PLCL2: variants seen among roughly 807,000 people sequenced by gnomAD.
PLCL2 encodes inactive phospholipase C-like protein 2.
PLCL2 carries 4 observed loss-of-function variants against 79.6 expected under a neutral mutation model. The observed-to-expected ratio is 0.05, with a 90% CI of 0.02 to 0.11. The LOEUF (loss-of-function observed/expected upper bound fraction) is 0.11. PLCL2 is among the 10% of genes least tolerant of loss of function. The pLI, the probability that PLCL2 is intolerant of heterozygous loss-of-function variation, is 1.00. For synonymous variants in PLCL2, 484 were observed against 457.7 expected (o/e 1.06, Z -0.73); for missense variants, 895 against 1,291.0 (o/e 0.69, Z 4.70).
At chr3:16,937,699 C>T (rs535406723) in intron 1 of PLCL2, among the ~76,000 whole-genome samples, 8 of 152,326 alleles carry the variant, frequency 5.3e-5, no homozygotes, top group African/African-American at 1.9e-4. Context: ...ATTTTAATGA[C>T]TCCAAGTTAT....
intron 3 of PLCL2, among the ~76,000 whole-genome samples, chr3:17,018,348 A>T (rs2064408798): frequency 6.6e-6 from 1 of 152,148 alleles, no homozygotes; most frequent in Non-Finnish European, 1.5e-5. Context: ...AGGGGGCCTC[A>T]TGCAAATGGA....
chr3:17,068,373 T>G (rs993819664), intron 5 of PLCL2, among the ~76,000 whole-genome samples: 2 of 152,220 alleles, frequency 1.3e-5, no homozygotes, highest in African/African-American at 4.8e-5. Flanking sequence ...ATATGTAAAA[T>G]AGAAAATATT....
chr3:17,087,811 A>G (rs906435584), intron 5 of PLCL2, among the ~76,000 whole-genome samples: 1 of 152,234 alleles, frequency 6.6e-6, no homozygotes, highest in Non-Finnish European at 1.5e-5. Context: ...TGTCCTAAAA[A>G]TTAAAGTTTA....
At chr3:16,889,652 C>G (rs1696302545) in intron 1 of PLCL2, among the ~76,000 whole-genome samples, 1 of 152,202 alleles carries the variant, frequency 6.6e-6, no homozygotes, top group Admixed American at 6.5e-5. Context: ...TGTCTTGACA[C>G]TGAGCTCTCC....
Position 17,090,138 on chromosome 3 carries a change from T to C in PLCL2, c.*226T>C. ...TTATATTGCTGGCCAAAATATGCTA[T>C]ATTTGTATACAAAGACATTCTAACT... is the stretch of plus-strand genomic sequence containing the variant. On this transcript the variant is annotated 3_prime_UTR_variant, in exon 6 of 6. Coordinates refer to ENST00000615277, the MANE Select transcript of PLCL2 (RefSeq NM_001144382.2). 8.1e-7 allele frequency: 1 copy of C among 1,240,434 alleles called. No homozygotes were observed. The highest frequency in any genetic ancestry group is 3.1e-4 in the Middle Eastern group (1 of 3,176). The allele number at this position is 1,240,434 out of a possible 1,614,324, so 76.8% of individuals were successfully genotyped here. A position where few individuals can be genotyped will look rare whatever the true frequency, so the allele number is the denominator to read the frequency against.
At chr3:17,054,616 A>G (rs1241249925) in intron 4 of PLCL2, among the ~76,000 whole-genome samples, 1 of 152,056 alleles carries the variant, frequency 6.6e-6, no homozygotes, top group Non-Finnish European at 1.5e-5. Flanking sequence ...TTTTTAAACA[A>G]CCAGATCTCT....
chr3:16,994,881 T>C (rs1396773882), intron 1 of PLCL2, among the ~76,000 whole-genome samples: 1 of 152,144 alleles, frequency 6.6e-6, no homozygotes, highest in Non-Finnish European at 1.5e-5. Context: ...CTTCCCCATT[T>C]GTGGGCTATA....
intron 4 of PLCL2, among the ~76,000 whole-genome samples, chr3:17,063,212 C>T (rs1384600017): frequency 2.4e-5 from 3 of 122,742 alleles, no homozygotes. Flanking sequence ...ACTTGTGTCT[C>T]TTTCTCTTCC....
At chr3:16,985,576 A>G (rs750670856) in intron 1 of PLCL2, among the ~76,000 whole-genome samples, 2 of 152,136 alleles carry the variant, frequency 1.3e-5, no homozygotes, top group African/African-American at 2.4e-5. Context: ...ATCTCTGTCT[A>G]TGCTTAATTT....
chr3:17,057,787 C>T (rs1390976704), intron 4 of PLCL2, among the ~76,000 whole-genome samples: 1 of 152,230 alleles, frequency 6.6e-6, no homozygotes, highest in African/African-American at 2.4e-5. Flanking sequence ...TTGTTCATAA[C>T]GTTTCCCAAA....
intron 5 of PLCL2, among the ~76,000 whole-genome samples, chr3:17,075,332 A>G (rs1267967732): frequency 1.3e-5 from 2 of 152,194 alleles, no homozygotes; most frequent in Non-Finnish European, 2.9e-5. Context: ...CTGTCTTATA[A>G]GGAAGGGCAC....
intron 1 of PLCL2, among the ~76,000 whole-genome samples, chr3:16,963,848 T>C (rs955431858): frequency 1.3e-5 from 2 of 151,904 alleles, no homozygotes; most frequent in African/African-American, 4.8e-5. Context: ...GGAACCTAAA[T>C]GCTGGAACTC....
chr3:16,920,366 A>T (rs1697096766), intron 1 of PLCL2, among the ~76,000 whole-genome samples: 1 of 152,088 alleles, frequency 6.6e-6, no homozygotes, highest in African/African-American at 2.4e-5. Context: ...TTTATAGATG[A>T]TATAATAAGG....
chr3:16,959,028 C>T (rs999353339), intron 1 of PLCL2, among the ~76,000 whole-genome samples: 1 of 152,230 alleles, frequency 6.6e-6, no homozygotes, highest in African/African-American at 2.4e-5. Flanking sequence ...AGCTTCCCAA[C>T]CAGTAGCAGA....
intron 1 of PLCL2, among the ~76,000 whole-genome samples, chr3:16,983,292 G>A (rs1053664368): frequency 2.0e-5 from 3 of 152,176 alleles, no homozygotes; most frequent in Non-Finnish European, 2.9e-5. Context: ...ATAATTTATG[G>A]CCATGGTTCA....
chr3:17,068,090 C>T (rs1205518305), intron 5 of PLCL2, 25 bp downstream of exon 5: 2 of 1,333,056 alleles, frequency 1.5e-6, no homozygotes, highest in South Asian at 2.4e-5. Context: ...GTTTCTGATG[C>T]TGGTGATTTT....
intron 1 of PLCL2, among the ~76,000 whole-genome samples, chr3:16,936,954 T>C (rs1056330970): frequency 5.9e-5 from 9 of 152,168 alleles, no homozygotes; most frequent in African/African-American, 2.2e-4. Context: ...TTGAACTGGA[T>C]AATTTTTGGC....
At position 17,089,034 on chromosome 3, in the gene PLCL2, G is replaced by A. The variant is rs375639980; in HGVS notation, c.3205-699G>A. On this transcript the variant is annotated intron_variant, in intron 5 of 5. Coordinates refer to ENST00000615277, the MANE Select transcript of PLCL2 (RefSeq NM_001144382.2). ...CAGTGAGGACCTGCTGCGTGCCCAC[G>A]GCTGCCAGCACTTACCAAAGGCTGT... Among the ~76,000 whole-genome samples the A allele has an allele frequency of 1.6e-4, 24 of 152,256 alleles. No homozygotes were observed. The Middle Eastern group carries it at 0.01, about 65-fold the overall frequency.
At chr3:16,928,891 G>C (rs1029706568) in intron 1 of PLCL2, among the ~76,000 whole-genome samples, 1 of 152,074 alleles carries the variant, frequency 6.6e-6, no homozygotes, top group Non-Finnish European at 1.5e-5. Flanking sequence ...GGAGGTTGTG[G>C]GTGACCTTGG....
Sources: gnomAD v4.1 joint callset for allele counts (sites outside exome capture counted in the v4.1 genomes callset) on GRCh38, gnomAD v4.1.1 for gene constraint, MANE v1.5 for transcripts, NCBI Gene and HGNC (gene_info 2026-07-23, HGNC 2026-07-21) for gene names.